DNAJC3: variants seen among roughly 807,000 people sequenced by gnomAD.
DNAJC3 encodes the protein DnaJ heat shock protein family (Hsp40) member C3.
In DNAJC3, 38 loss-of-function variants were observed where a neutral mutation model predicts 68.6. That is an observed-to-expected ratio of 0.55 (90% CI 0.43 to 0.73). The LOEUF is 0.73. DNAJC3 is among the 30% of genes least tolerant of loss of function. The pLI is 0.00. For missense variants in DNAJC3, 526 were observed against 591.9 expected (o/e 0.89, Z 1.16); for synonymous variants, 203 against 204.0 (o/e 1.00, Z 0.04).
At chr13:95,678,829 ACT>A (rs1416851389) in intron 1 of DNAJC3, among the ~76,000 whole-genome samples, 2 of 151,984 alleles carry the variant, frequency 1.3e-5, no homozygotes, top group Admixed American at 6.5e-5. Context: ...AGGACTCTTA[ACT>A]CTTCATTTCC....
intron 4 of DNAJC3, among the ~76,000 whole-genome samples, chr13:95,727,674 A>C (rs1203300700): frequency 6.6e-6 from 1 of 152,210 alleles, no homozygotes; most frequent in Admixed American, 6.5e-5. Context: ...CGTAGTGTAA[A>C]ACTATAGCAC....
chr13:95,685,550 A>G (rs1320645227), intron 1 of DNAJC3, among the ~76,000 whole-genome samples: 1 of 152,128 alleles, frequency 6.6e-6, no homozygotes, highest in Non-Finnish European at 1.5e-5. Flanking sequence ...AGAAGGGATG[A>G]TTGTATTTTG....
chr13:95,755,513 C>T (rs1163792693), intron 4 of DNAJC3, among the ~76,000 whole-genome samples: 6 of 151,694 alleles, frequency 4.0e-5, no homozygotes, highest in Admixed American at 3.9e-4. Flanking sequence ...AATCCCAGCA[C>T]TTTGGGAGGC....
chr13:95,771,351 A>C (rs1359894135), intron 9 of DNAJC3, among the ~76,000 whole-genome samples: 2 of 152,062 alleles, frequency 1.3e-5, no homozygotes, highest in African/African-American at 2.4e-5. Flanking sequence ...TTCAAGGGGG[A>C]CTATGGTGAC....
At chr13:95,706,290 C>T (rs1363198648) in intron 1 of DNAJC3, among the ~76,000 whole-genome samples, 1 of 152,194 alleles carries the variant, frequency 6.6e-6, no homozygotes, top group Non-Finnish European at 1.5e-5. Flanking sequence ...CATTAATGGG[C>T]ATGGCCCCAT....
rs1371197262 is a variant in DNAJC3, at chr13:95,715,505, C to T, written c.193+6168C>T. Among the ~76,000 whole-genome samples the T allele has an allele frequency of 4.2e-5, 6 of 142,872 alleles. No individual in the cohort carries two copies. The East Asian group carries it at 8.3e-4, about 20-fold the overall frequency. The allele number at this position is 142,872 out of a possible 152,430, so 93.7% of individuals were successfully genotyped here. A position where few individuals can be genotyped will look rare whatever the true frequency, so the allele number is the denominator to read the frequency against. On this transcript the variant is annotated intron_variant, in intron 2 of 11. Coordinates refer to ENST00000602402, the MANE Select transcript of DNAJC3 (RefSeq NM_006260.5). Reference sequence around the variant, plus strand: ...TTTCTTTTTTTTTTTTTTTTTGAGACGGAGTCTCGCTCTGTCACCAGGCTG... The same window carrying T: ...TTTCTTTTTTTTTTTTTTTTTGAGATGGAGTCTCGCTCTGTCACCAGGCTG...
At chr13:95,677,741 G>C (rs562038153) in intron 1 of DNAJC3, among the ~76,000 whole-genome samples, 1 of 152,246 alleles carries the variant, frequency 6.6e-6, no homozygotes, top group East Asian at 1.9e-4. Flanking sequence ...AGGCACTAAG[G>C]TGGCCAAAAG....
At chr13:95,742,262 G>C (rs1420804315) in intron 4 of DNAJC3, among the ~76,000 whole-genome samples, 1 of 152,168 alleles carries the variant, frequency 6.6e-6, no homozygotes, top group Non-Finnish European at 1.5e-5. Flanking sequence ...TCTGCAGGTG[G>C]GGGATGTCAA....
intron 2 of DNAJC3, among the ~76,000 whole-genome samples, chr13:95,709,699 G>C (rs761412571): frequency 6.7e-6 from 1 of 150,214 alleles, no homozygotes; most frequent in Non-Finnish European, 1.5e-5. Flanking sequence ...GAGTGCAGTG[G>C]CACGATCTTG....
chr13:95,709,436 G>C (rs1880877079), intron 2 of DNAJC3, 99 bp downstream of exon 2: 2 of 828,602 alleles, frequency 2.4e-6, no homozygotes, highest in Non-Finnish European at 3.6e-6. Flanking sequence ...ATTATTTCAT[G>C]TTTAAATAAA....
At position 95,677,331 on chromosome 13, in the gene DNAJC3, T is replaced by A; in HGVS notation, c.76T>A (p.Tyr26Asn). Residue 26 changes from tyrosine (Y) to asparagine (N), a missense_variant, in exon 1 of 12, where the codon TAC becomes AAC. Transcript: ENST00000602402. Reference sequence around the variant, plus strand: ...CCTGCTAGTCCTGGTGGATCTGCAGTACGAAGGTGAGTCCTGCCCTGCCCC... The same window carrying A: ...CCTGCTAGTCCTGGTGGATCTGCAGAACGAAGGTGAGTCCTGCCCTGCCCC... ...PFLLVLVDLQ[Y>N]EGAECGVNAD... The A allele has an allele frequency of 6.3e-7, 1 of 1,598,018 alleles. No homozygotes were observed. Among genetic ancestry groups the A allele is most frequent in the African/African-American group, 1.4e-5 (1 of 72,482 alleles).
At chr13:95,719,658 TATCTTATAGTA>T (rs1881257187) in intron 2 of DNAJC3, among the ~76,000 whole-genome samples, 1 of 152,204 alleles carries the variant, frequency 6.6e-6, no homozygotes, top group South Asian at 2.1e-4. Context: ...ACCAAATATA[TATCTTATAGTA>T]CAACAGATTC....
intron 9 of DNAJC3, among the ~76,000 whole-genome samples, chr13:95,779,119 CTTTTTT>C (rs142933580): frequency 1.0e-5 from 1 of 97,940 alleles, no homozygotes; most frequent in African/African-American, 4.4e-5. Flanking sequence ...TTTCTTCTTT[CTTTTTT>C]TTTTTTTTTT....
At chr13:95,677,960 A>G (rs374831300) in intron 1 of DNAJC3, among the ~76,000 whole-genome samples, 1 of 151,880 alleles carries the variant, frequency 6.6e-6, no homozygotes, top group East Asian at 1.9e-4. Flanking sequence ...TGGTTTTACA[A>G]CTCCCAACAT....
chr13:95,791,141 C>G lies in DNAJC3; in HGVS notation c.*111C>G. The stretch of plus-strand genomic sequence containing the variant: ...CAAATCTTTTCAGTTTGTCCATGAC[C>G]AAAGAGTTGCTTTAATAGGAAAAAA... On this transcript the variant is annotated 3_prime_UTR_variant, in exon 12 of 12. Transcript: ENST00000602402. 7.9e-7 allele frequency: 1 copy of G among 1,265,496 alleles called. No individual in the cohort carries two copies. Among genetic ancestry groups the G allele is most frequent in the Non-Finnish European group, 1.1e-6 (1 of 909,014 alleles). The allele number at this position is 1,265,496 out of a possible 1,614,324, so 78.4% of individuals were successfully genotyped here.
At chr13:95,729,384 C>A (rs1881640809) in intron 4 of DNAJC3, among the ~76,000 whole-genome samples, 1 of 148,380 alleles carries the variant, frequency 6.7e-6, no homozygotes, top group Non-Finnish European at 1.5e-5. Context: ...CCTTCTCCCT[C>A]TCCCTCTCCC....
In DNAJC3 at chr13:95,794,421, G is replaced by T. The variant is rs186587161; in HGVS notation, c.*3391G>T. The T allele has an allele frequency of 5.3e-5, 8 of 152,336 alleles. No individual in the cohort carries two copies. The highest frequency in any genetic ancestry group is 1.3e-4 in the Admixed American group (2 of 15,306). The allele number at this position is 152,336 out of a possible 1,614,324, so 9.4% of individuals were successfully genotyped here. On this transcript the variant is annotated 3_prime_UTR_variant, in exon 12 of 12. Coordinates refer to ENST00000602402, the MANE Select transcript of DNAJC3 (RefSeq NM_006260.5). ...AGTTTTCACTGAGCACACAGCAATG[G>T]TATCACCTAGAGAAGTTCACGCAAC...
intron 1 of DNAJC3, chr13:95,695,534 A>G (rs1880413529): frequency 6.6e-6 from 1 of 152,224 alleles, no homozygotes; most frequent in African/African-American, 2.4e-5. Flanking sequence ...CATTAAGTCA[A>G]TGCCTGTTCT....
At chr13:95,722,074 A>G (rs1003792612) in intron 2 of DNAJC3, among the ~76,000 whole-genome samples, 8 of 152,072 alleles carry the variant, frequency 5.3e-5, no homozygotes, top group African/African-American at 1.7e-4. Context: ...AATTCTTTAT[A>G]TGCTTCTATT....
Sources: gnomAD v4.1 joint callset for allele counts (sites outside exome capture counted in the v4.1 genomes callset) on GRCh38, gnomAD v4.1.1 for gene constraint, MANE v1.5 for transcripts, NCBI Gene and HGNC (gene_info 2026-07-23, HGNC 2026-07-21) for gene names.